Variants in PDE6B observed in about 807,000 individuals in gnomAD.
PDE6B encodes the protein rod cGMP-specific 3',5'-cyclic phosphodiesterase subunit beta.
In PDE6B, 106 loss-of-function variants were observed where a neutral mutation model predicts 109.0. The observed-to-expected ratio is 0.97, with a 90% CI of 0.83 to 1.14. The LOEUF is 1.14. Among genes scored for constraint, PDE6B ranks in the 50% most tolerant of loss-of-function variants. PDE6B has a pLI of 0.00. For missense variants in PDE6B, 1,193 were observed against 1,155.6 expected (o/e 1.03, Z -0.47); for synonymous variants, 490 against 471.3 (o/e 1.04, Z -0.51).
At chr4:658,888 C>A in intron 10 of PDE6B, 64 bp from the exon 11 acceptor site, 1 of 1,181,642 alleles carries the variant, frequency 8.5e-7, no homozygotes, top group Non-Finnish European at 1.3e-6. Context: ...GGGGTGGACG[C>A]ACCGCCGTCA....
chr4:653,128 A>AG, intron 3 of PDE6B: 1 of 983,544 alleles, frequency 1.0e-6, no homozygotes, highest in African/African-American at 1.7e-5. Flanking sequence ...GCTGAGTGCC[A>AG]GGGGGTGGAA....
rs373895151 is a variant in PDE6B at position 659,572 on chromosome 4, GGT to G, written c.1467+565_1467+566del. 4.2e-3 allele frequency among the ~76,000 whole-genome samples: 635 copies of G among 151,358 alleles called. 3 individuals are homozygous for G. Among genetic ancestry groups the G allele is most frequent in the African/African-American group, 0.012 (502 of 41,100 alleles). ...AGGTGTGTACATGTGTGCACATGTG[GGT>G]GTGTGTGTGCACATGTGGGTATGTG... On this transcript the variant is annotated intron_variant, in intron 11 of 21. Coordinates refer to ENST00000496514, the MANE Select transcript of PDE6B (RefSeq NM_000283.4).
Position 670,062 on chromosome 4 carries a change from C to T in PDE6B, c.2520C>T (p.Cys840=). Residue 840 remains cysteine (C), a synonymous_variant, in exon 22 of 22, where the codon TGC becomes TGT. Coordinates refer to ENST00000496514, the MANE Select transcript of PDE6B (RefSeq NM_000283.4). The part of the protein sequence containing the change: ...VAAKKVGTEI[C]NGGPAPKSST... ...CTCTTGCAGTAGGCACAGAAATTTG[C>T]AATGGCGGCCCAGCACCCAAGTCTT... is the stretch of plus-strand genomic sequence containing the variant. 1 of 1,612,986 alleles carries T rather than the reference C, an allele frequency of 6.2e-7. No individual in the cohort carries two copies. Among genetic ancestry groups the T allele is most frequent in the Non-Finnish European group, 8.5e-7 (1 of 1,179,434 alleles).
At position 659,024 on chromosome 4, in the gene PDE6B, A is replaced by T; in HGVS notation, c.1467+7A>T. 1 of 1,610,912 alleles carries T rather than the reference A, an allele frequency of 6.2e-7. No homozygotes were observed. Among genetic ancestry groups the T allele is most frequent in the Non-Finnish European group, 8.5e-7 (1 of 1,177,554 alleles). On this transcript the variant is annotated splice_region_variant and intron_variant, in intron 11 of 21. Transcript: ENST00000496514. Reference sequence around the variant, plus strand: ...CGAGCTGGGCGAAATCCTGGTAAGAACCTTGCTCCCGTCCCTCCCATGGAG... The same window carrying T: ...CGAGCTGGGCGAAATCCTGGTAAGATCCTTGCTCCCGTCCCTCCCATGGAG...
chr4:637,101 T>C (rs35137658), intron 3 of PDE6B, among the ~76,000 whole-genome samples: 3,385 of 152,376 alleles, frequency 0.022, 38 homozygotes, highest in Middle Eastern at 0.041. Context: ...TAGGTTATAA[T>C]TCAATATGAT....
Position 653,897 on chromosome 4 carries a change from A to T in PDE6B, c.757A>T (p.Ile253Phe), listed in dbSNP as rs748364111. 6.2e-7 allele frequency: 1 copy of T among 1,613,720 alleles called. No homozygotes were observed. The highest frequency in any genetic ancestry group is 8.5e-7 in the Non-Finnish European group (1 of 1,179,996). The change falls in exon 4 of 22, where the codon ATC becomes TTC. Residue 253 changes from isoleucine (I) to phenylalanine (F), a missense_variant. Physicochemically the swap from Ile to Phe is conservative, Grantham distance 21. Coordinates refer to ENST00000496514, the MANE Select transcript of PDE6B (RefSeq NM_000283.4). ...CAAGGTGTTTGAGGAGCTGACGGAC[A>T]TCGAGAGGCAGTTCCACAAGGCCTT... Reference protein sequence around the residue: ...ANKVFEELTDIERQFHKAFYT... With the variant: ...ANKVFEELTDFERQFHKAFYT...
In PDE6B at chr4:662,280, T is replaced by G. The variant is rs1182972868; in HGVS notation, c.1722+39T>G. 1 of 1,191,678 alleles carries G rather than the reference T, an allele frequency of 8.4e-7. No individual in the cohort carries two copies. Among genetic ancestry groups the G allele is most frequent in the South Asian group, 1.3e-5 (1 of 77,004 alleles). 73.8% of individuals were successfully genotyped at this position (1,191,678 alleles called of 1,614,324 possible). ...AGAATCACCAGGGTTGTGCAGGCCC[T>G]CCTGGTACCAAGGGCAGCACTCAAG... On this transcript the variant is annotated intron_variant, in intron 13 of 21. Coordinates refer to ENST00000496514, the MANE Select transcript of PDE6B (RefSeq NM_000283.4). The surrounding 1 kb of genome is among the most constrained non-coding windows in gnomAD (Gnocchi z 4.3).
At position 662,297 on chromosome 4, in the gene PDE6B, G is replaced by A. The variant is rs1358959493; in HGVS notation, c.1722+56G>A. The stretch of plus-strand genomic sequence containing the variant: ...GCAGGCCCTCCTGGTACCAAGGGCA[G>A]CACTCAAGCACCCCGAGGGATGAGA... On this transcript the variant is annotated intron_variant, in intron 13 of 21. Coordinates refer to ENST00000496514, the MANE Select transcript of PDE6B (RefSeq NM_000283.4). The surrounding 1 kb of genome is among the most constrained non-coding windows in gnomAD (Gnocchi z 4.3). 2.9e-6 allele frequency: 3 copies of A among 1,018,210 alleles called. No individual in the cohort carries two copies. The highest frequency in any genetic ancestry group is 3.2e-5 in the African/African-American group (2 of 62,850). The allele number at this position is 1,018,210 out of a possible 1,614,324, so 63.1% of individuals were successfully genotyped here. A position where few individuals can be genotyped will look rare whatever the true frequency, so the allele number is the denominator to read the frequency against.
At chr4:654,480 TGA>T (rs1469739222) in intron 5 of PDE6B, 5 of 563,080 alleles carry the variant, frequency 8.9e-6, no homozygotes, top group Admixed American at 5.6e-5. Flanking sequence ...TGTGTGTGTG[TGA>T]GAGTACGGGC....
In PDE6B at chr4:662,972, C is replaced by T. The variant is rs186793551; in HGVS notation, c.1833-128C>T. ...GAGCCATGATTGCACCACTGCACTC[C>T]AGAGTGGGTGACAGAGGCAGACCCT... On this transcript the variant is annotated intron_variant, in intron 14 of 21. Transcript: ENST00000496514. This position sits in a 1 kb window ranked among gnomAD's most constrained non-coding sequence, Gnocchi z 4.3. 1.7e-3 allele frequency: 1,179 copies of T among 712,060 alleles called. 2 individuals are homozygous for T. Among genetic ancestry groups the T allele is most frequent in the Non-Finnish European group, 2.6e-3 (989 of 387,494 alleles). The allele number at this position is 712,060 out of a possible 1,614,324, so 44.1% of individuals were successfully genotyped here.
intron 3 of PDE6B, chr4:652,553 G>A (rs545929590): frequency 1.3e-5 from 12 of 933,340 alleles, no homozygotes; most frequent in Non-Finnish European, 1.5e-5. Flanking sequence ...CAGGGTGCTC[G>A]GTAAGTGCAG....
Position 666,431 on chromosome 4 carries a change from C to A in PDE6B, c.2269-100C>A. On this transcript the variant is annotated intron_variant, in intron 19 of 21. Coordinates refer to ENST00000496514, the MANE Select transcript of PDE6B (RefSeq NM_000283.4). This position sits in a 1 kb window ranked among gnomAD's most constrained non-coding sequence, Gnocchi z 5.6. ...CAGGCAGGCTCGTCCCAGGCTGTGT[C>A]TCCATGAGCACATCTGAGTGAGGGG... 1.2e-6 allele frequency: 1 copy of A among 802,214 alleles called. No individual in the cohort carries two copies. Among genetic ancestry groups the A allele is most frequent in the Non-Finnish European group, 2.2e-6 (1 of 450,110 alleles). The allele number at this position is 802,214 out of a possible 1,614,324, so 49.7% of individuals were successfully genotyped here. A position where few individuals can be genotyped will look rare whatever the true frequency, so the allele number is the denominator to read the frequency against.
intron 10 of PDE6B, 75 bp downstream of exon 10, chr4:657,569 ACC>A: frequency 6.9e-7 from 1 of 1,453,254 alleles, no homozygotes; most frequent in African/African-American, 1.5e-5. Context: ...TCCAGGGGTC[ACC>A]CAGGGGTCTC....
intron 6 of PDE6B, chr4:655,282 T>C (rs2109203148): frequency 3.2e-6 from 1 of 314,282 alleles, no homozygotes; most frequent in Non-Finnish European, 6.1e-6. Flanking sequence ...GGCCGAGTCT[T>C]GGCCCCGTGG....
intron 1 of PDE6B, among the ~76,000 whole-genome samples, chr4:631,524 C>T (rs961163610): frequency 6.6e-6 from 1 of 151,672 alleles, no homozygotes; most frequent in Non-Finnish European, 1.5e-5. Context: ...TGTGTGACAC[C>T]GTCTGAGGGT....
chr4:665,318 C>G lies in PDE6B; in HGVS notation c.2257C>G (p.Gln753Glu), dbSNP rs779052095. 5.6e-6 allele frequency: 9 copies of G among 1,610,818 alleles called. No individual in the cohort carries two copies. The South Asian group carries it at 7.7e-5, about 14-fold the overall frequency. The change falls in exon 19 of 22, where the codon CAG becomes GAG. Residue 753 changes from glutamine (Q) to glutamate (E), a missense_variant. Coordinates refer to ENST00000496514, the MANE Select transcript of PDE6B (RefSeq NM_000283.4). The surrounding 1 kb of genome is among the most constrained non-coding windows in gnomAD (Gnocchi z 4.0). ...QGDLERTVLD[Q>E]QPIPMMDRNK... Reference sequence around the variant, plus strand: ...TGACTTGGAAAGGACAGTCTTGGATCAGCAGCCCATTGTGAGTGCTGCTTC... The same window carrying G: ...TGACTTGGAAAGGACAGTCTTGGATGAGCAGCCCATTGTGAGTGCTGCTTC...
Position 663,069 on chromosome 4 carries a change from AC to A in PDE6B, c.1833-30del, listed in dbSNP as rs1560133678. ...GCAGGGTGGGCCAAGGGCAGGTCCCACGGGCCTCACCTCCACCACCTGTGTA... is the reference window on the plus strand; with the variant it reads ...GCAGGGTGGGCCAAGGGCAGGTCCCAGGGCCTCACCTCCACCACCTGTGTA... On this transcript the variant is annotated intron_variant, in intron 14 of 21. Transcript: ENST00000496514. The surrounding 1 kb of genome is among the most constrained non-coding windows in gnomAD (Gnocchi z 4.0). 7.5e-7 allele frequency: 1 copy of A among 1,333,738 alleles called. No homozygotes were observed. The allele number at this position is 1,333,738 out of a possible 1,614,324, so 82.6% of individuals were successfully genotyped here. A position where few individuals can be genotyped will look rare whatever the true frequency, so the allele number is the denominator to read the frequency against.
Position 663,200 on chromosome 4 carries a change from A to T in PDE6B, c.1920+13A>T. On this transcript the variant is annotated intron_variant, in intron 15 of 21. Transcript: ENST00000496514. This position sits in a 1 kb window ranked among gnomAD's most constrained non-coding sequence, Gnocchi z 4.0. ...GCTCTCGGAGGAGGTTGGTATACTC[A>T]CCCTCGGTTTCTGCTGTGGGCGCTG... 1 of 1,480,382 alleles carries T rather than the reference A, an allele frequency of 6.8e-7. No individual in the cohort carries two copies. Among genetic ancestry groups the T allele is most frequent in the Admixed American group, 1.7e-5 (1 of 59,782 alleles). The allele number at this position is 1,480,382 out of a possible 1,614,324, so 91.7% of individuals were successfully genotyped here.
In PDE6B at chr4:662,014, GA is replaced by G. The variant is rs2109252386; in HGVS notation, c.1615-119del. 1.4e-6 allele frequency: 1 copy of G among 700,038 alleles called. No individual in the cohort carries two copies. The highest frequency in any genetic ancestry group is 1.5e-5 in the South Asian group (1 of 66,674). The allele number at this position is 700,038 out of a possible 1,614,324, so 43.4% of individuals were successfully genotyped here. ...GGATGGGGAAGATCGGGAAGTCCAG[GA>G]GACGGTGTGGGGATGATGGCACGGA... On this transcript the variant is annotated intron_variant, in intron 12 of 21. Coordinates refer to ENST00000496514, the MANE Select transcript of PDE6B (RefSeq NM_000283.4). The surrounding 1 kb of genome is among the most constrained non-coding windows in gnomAD (Gnocchi z 4.3).
Sources: allele counts gnomAD v4.1 joint callset (sites outside exome capture counted in the v4.1 genomes callset), GRCh38; gene constraint gnomAD v4.1.1; non-coding constraint Gnocchi (gnomAD v3.1); transcripts MANE v1.5; gene names NCBI Gene and HGNC (gene_info 2026-07-23, HGNC 2026-07-21).